Variants in SLC26A8 observed in about 807,000 individuals in gnomAD.
SLC26A8 encodes the protein testis anion transporter 1.
In SLC26A8, 70 loss-of-function variants were observed where a neutral mutation model predicts 105.0. The observed-to-expected ratio is 0.67, with a 90% CI of 0.55 to 0.81. The LOEUF is 0.81. Among genes scored for constraint, SLC26A8 ranks in the 40% least tolerant of loss-of-function variants. The pLI, the probability that SLC26A8 is intolerant of heterozygous loss-of-function variation, is 0.00. For missense variants in SLC26A8, 998 were observed against 1,181.8 expected (o/e 0.84, Z 2.28); for synonymous variants, 415 against 438.3 (o/e 0.95, Z 0.66).
At chr6:36,000,907 T>C (rs1412198145) in intron 3 of SLC26A8, among the ~76,000 whole-genome samples, 2 of 152,234 alleles carry the variant, frequency 1.3e-5, no homozygotes, top group African/African-American at 4.8e-5. Flanking sequence ...AACCAATCTA[T>C]GCTTCTACTC....
At chr6:36,002,643 A>T (rs1300558793) in intron 3 of SLC26A8, among the ~76,000 whole-genome samples, 1 of 151,606 alleles carries the variant, frequency 6.6e-6, no homozygotes, top group Non-Finnish European at 1.5e-5. Context: ...GAGTATGTAT[A>T]TTATAAATAA....
chr6:35,997,034 TA>T (rs560246592), intron 5 of SLC26A8, among the ~76,000 whole-genome samples: 514 of 139,192 alleles, frequency 3.7e-3, no homozygotes, highest in Non-Finnish European at 3.4e-3. Flanking sequence ...AAACTCCATC[TA>T]AAAAAAAAAA....
chr6:35,997,938 G>A lies in SLC26A8; in HGVS notation c.446-19C>T. 1.2e-6 allele frequency: 2 copies of A among 1,608,968 alleles called. No homozygotes were observed. The highest frequency in any genetic ancestry group is 1.7e-6 in the Non-Finnish European group (2 of 1,176,948). ...AAGGAACCTGTGGAAGAAGATGTTA[G>A]GTAGAAGGTGAAGTTTCAAGTCCAG... is the stretch of plus-strand genomic sequence containing the variant. On this transcript the variant is annotated intron_variant, in intron 4 of 19. Transcript: ENST00000490799.
chr6:35,994,538 C>A (rs1761293228), intron 5 of SLC26A8, among the ~76,000 whole-genome samples: 1 of 151,630 alleles, frequency 6.6e-6, no homozygotes, highest in South Asian at 2.1e-4. Flanking sequence ...TGCATGAGCC[C>A]CTCTTTTTTC....
chr6:35,977,336 T>C lies in SLC26A8; in HGVS notation c.1041A>G (p.Val347=), dbSNP rs1773078248. The C allele has an allele frequency of 1.9e-6, 3 of 1,613,340 alleles. No homozygotes were observed. The highest frequency in any genetic ancestry group is 2.5e-6 in the Non-Finnish European group (3 of 1,179,844). The part of the protein sequence containing the change: ...DMIPYSFLLP[V]TPDFSLLPKI... ...TGGGAAGAAGGCTGAAATCTGGTGT[T>C]ACAGGAAGCAGAAAGCTGGAATAGA... is the stretch of plus-strand genomic sequence containing the variant. Residue 347 remains valine (V), a synonymous_variant, in exon 9 of 20, where the codon GTA becomes GTG. Coordinates refer to ENST00000490799, the MANE Select transcript of SLC26A8 (RefSeq NM_052961.4).
intron 7 of SLC26A8, among the ~76,000 whole-genome samples, chr6:35,985,692 CAAAAAA>C (rs58199602): frequency 8.5e-5 from 4 of 46,920 alleles, no homozygotes; most frequent in Admixed American, 2.7e-4. Context: ...GACTCCGTCT[CAAAAAA>C]AAAAAAAAAA....
At chr6:35,968,611 ATATATATATATATATATATATATATAT>A (rs1772637276) in intron 11 of SLC26A8, among the ~76,000 whole-genome samples, 4 of 44,140 alleles carry the variant, frequency 9.1e-5, no homozygotes, top group East Asian at 8.9e-4. Flanking sequence ...GTGTGTGTGT[ATATATATATATATATATATATATATAT>A]ATATATATAT....
rs1225919604 is a variant in SLC26A8 at position 35,984,128 on chromosome 6, A to G, written c.943-1925T>C. ...TATAGGTAGTGTGTTGCAGGCTTCA[A>G]TAGCCTGTGAGCACAAATTATGTCA... is the stretch of plus-strand genomic sequence containing the variant. On this transcript the variant is annotated intron_variant, in intron 7 of 19. Coordinates refer to ENST00000490799, the MANE Select transcript of SLC26A8 (RefSeq NM_052961.4). Among the ~76,000 whole-genome samples, 3 of 152,122 alleles carry G rather than the reference A, an allele frequency of 2.0e-5. No homozygotes were observed. The East Asian group carries it at 5.8e-4, about 29-fold the overall frequency.
chr6:35,992,396 T>C (rs1761197371), intron 6 of SLC26A8, 114 bp downstream of exon 6: 1 of 1,110,716 alleles, frequency 9.0e-7, no homozygotes, highest in African/African-American at 1.6e-5. Context: ...CTGAGCTGCC[T>C]ATAGGCTGTG....
intron 9 of SLC26A8, 123 bp downstream of exon 9, chr6:35,977,081 A>G (rs1018706377): frequency 3.7e-6 from 4 of 1,074,424 alleles, no homozygotes; most frequent in East Asian, 5.2e-5. Context: ...ATCCTTTGTG[A>G]TTACTGTCCA....
At chr6:36,020,366 G>A (rs1206181186) in intron 1 of SLC26A8, among the ~76,000 whole-genome samples, 1 of 152,202 alleles carries the variant, frequency 6.6e-6, no homozygotes, top group African/African-American at 2.4e-5. Flanking sequence ...TGACTGCCAA[G>A]TATACAGTTA....
intron 7 of SLC26A8, 28 bp downstream of exon 7, chr6:35,991,631 A>T (rs921639756): frequency 4.0e-6 from 6 of 1,486,638 alleles, no homozygotes; most frequent in Non-Finnish European, 5.4e-6. Flanking sequence ...TATGCAAACT[A>T]TGAATTTGAG....
intron 4 of SLC26A8, among the ~76,000 whole-genome samples, chr6:35,998,985 C>G (rs925924959): frequency 1.3e-5 from 2 of 152,072 alleles, no homozygotes; most frequent in Non-Finnish European, 2.9e-5. Flanking sequence ...ACCTCCACCT[C>G]CCGGGTTCAG....
At chr6:35,965,135 A>G (rs932399970) in intron 11 of SLC26A8, among the ~76,000 whole-genome samples, 1 of 150,872 alleles carries the variant, frequency 6.6e-6, no homozygotes. Flanking sequence ...ACAACTATGC[A>G]AAGTGATATC....
intron 1 of SLC26A8, among the ~76,000 whole-genome samples, chr6:36,023,171 A>G (rs1366172729): frequency 6.6e-6 from 1 of 150,378 alleles, no homozygotes; most frequent in African/African-American, 2.4e-5. Flanking sequence ...TTATCCATCC[A>G]TCCATCCATC....
rs1425517652 is a variant in SLC26A8, at chr6:35,962,613, C to A, written c.1374G>T (p.Leu458=). 6.2e-7 allele frequency: 1 copy of A among 1,614,124 alleles called. No individual in the cohort carries two copies. Among genetic ancestry groups the A allele is most frequent in the Non-Finnish European group, 8.5e-7 (1 of 1,179,990 alleles). ...HFFYTLPNAV[L]AGIILSNVIP... ...TGACGTTGCTCAGAATAATACCAGC[C>A]AGCACAGCCTGTGGGGAAAAGATAA... The change falls in exon 12 of 20, where the codon CTG becomes CTT. Residue 458 remains leucine, a synonymous_variant. Coordinates refer to ENST00000490799, the MANE Select transcript of SLC26A8 (RefSeq NM_052961.4).
chr6:35,979,333 G>A lies in SLC26A8; in HGVS notation c.1026-1982C>T, dbSNP rs559688827. On this transcript the variant is annotated intron_variant, in intron 8 of 19. Transcript: ENST00000490799. ...GCTACTAAAAATACAAAAATTAGCC[G>A]GGCGTGGTGGCAGGTGCTTGTAGTC... Among the ~76,000 whole-genome samples the A allele has an allele frequency of 5.6e-4, 85 of 151,964 alleles. No individual in the cohort carries two copies. In the South Asian group the frequency reaches 5.6e-3, roughly 10 times the overall value.
chr6:35,998,835 A>G (rs1761437544), intron 4 of SLC26A8, among the ~76,000 whole-genome samples: 1 of 152,234 alleles, frequency 6.6e-6, no homozygotes, highest in Non-Finnish European at 1.5e-5. Context: ...ATTGGTGTTC[A>G]AATGTAAAAT....
chr6:36,019,369 C>T, intron 2 of SLC26A8, 151 bp downstream of exon 2: 1 of 826,790 alleles, frequency 1.2e-6, no homozygotes, highest in Non-Finnish European at 1.8e-6. Context: ...GCAAGACAAA[C>T]CACAAAAATG....
Sources: gnomAD v4.1 joint callset for allele counts (sites outside exome capture counted in the v4.1 genomes callset) on GRCh38, gnomAD v4.1.1 for gene constraint, MANE v1.5 for transcripts, NCBI Gene and HGNC (gene_info 2026-07-23, HGNC 2026-07-21) for gene names.